The following PITPNM3 variants were observed in gnomAD, a reference collection of about 807,000 sequenced individuals.
PITPNM3 encodes the protein PITPNM family member 3, also known as membrane-associated phosphatidylinositol transfer protein 3.
Under a neutral mutation model 102.0 loss-of-function variants are expected in PITPNM3, and 26 were observed. That is an observed-to-expected ratio of 0.25 (90% confidence interval 0.19 to 0.35). PITPNM3 has a LOEUF of 0.35. Ranked by LOEUF, PITPNM3 falls within the 10% of genes least tolerant of loss-of-function variation. The pLI is 1.00. For synonymous variants in PITPNM3, 578 were observed against 558.6 expected, an observed-to-expected ratio of 1.03 and a Z score of -0.49; for missense variants, 1,083 against 1,346.1, an observed-to-expected ratio of 0.80 and a Z score of 3.06.
chr17:6,475,161 T>C (rs9905306), intron 9 of PITPNM3, among the ~76,000 whole-genome samples: 39,684 of 152,102 alleles, frequency 0.26, 6,179 homozygotes, highest in Middle Eastern at 0.41. Context: ...TAATTCCTGT[T>C]CCAGGCAACC....
chr17:6,481,985 CCTCTCTCTCTCTCTCT>C (rs773528111), intron 6 of PITPNM3, among the ~76,000 whole-genome samples: 6,856 of 56,178 alleles, frequency 0.12, 460 homozygotes, highest in African/African-American at 0.26. Context: ...GAAAACAGAA[CCTCTCTCTCTCTCTCT>C]CTCTCTCTCT....
chr17:6,522,215 AG>A (rs1908568023), intron 3 of PITPNM3, among the ~76,000 whole-genome samples: 1 of 152,112 alleles, frequency 6.6e-6, no homozygotes, highest in South Asian at 2.1e-4. Context: ...AAGAAAAGAG[AG>A]GTATGTGTGA....
In PITPNM3 at chr17:6,483,758, A is replaced by G. The variant is rs768041003; in HGVS notation, c.352-6T>C. The G allele has an allele frequency of 4.3e-6, 7 of 1,610,448 alleles. No individual in the cohort carries two copies. In the South Asian group the frequency reaches 6.6e-5, roughly 15 times the overall value. ...GAGCGCTGCGGGCAGCCTTCCTGAG[A>G]GCCAAGGCGGTTGGAATACAGAGAG... On this transcript the variant is annotated splice_region_variant and splice_polypyrimidine_tract_variant and intron_variant, in intron 5 of 19. Transcript: ENST00000262483.
At chr17:6,553,930 T>G (rs886565051) in intron 1 of PITPNM3, among the ~76,000 whole-genome samples, 1 of 152,100 alleles carries the variant, frequency 6.6e-6, no homozygotes, top group African/African-American at 2.4e-5. Flanking sequence ...AGCTCACCAA[T>G]CTATTCTTCA....
intron 4 of PITPNM3, among the ~76,000 whole-genome samples, chr17:6,486,470 A>T (rs895972793): frequency 6.6e-6 from 1 of 152,114 alleles, no homozygotes; most frequent in African/African-American, 2.4e-5. Flanking sequence ...AAGAACTGCA[A>T]ATGAGAAGCT....
intron 1 of PITPNM3, among the ~76,000 whole-genome samples, chr17:6,543,708 G>C (rs1909854844): frequency 6.6e-6 from 1 of 152,228 alleles, no homozygotes; most frequent in African/African-American, 2.4e-5. Context: ...AGGAGGAACA[G>C]AGGAGCAGAC....
At chr17:6,549,477 C>A (rs899673468) in intron 1 of PITPNM3, among the ~76,000 whole-genome samples, 1 of 152,174 alleles carries the variant, frequency 6.6e-6, no homozygotes, top group Non-Finnish European at 1.5e-5. Flanking sequence ...GACCCAGCTC[C>A]CACCCCAGAG....
intron 10 of PITPNM3, chr17:6,473,318 C>T (rs544494407): frequency 3.9e-5 from 9 of 232,862 alleles, no homozygotes; most frequent in Non-Finnish European, 6.9e-5. Context: ...ACACTTCTCT[C>T]GCTGACCAGC....
intron 4 of PITPNM3, among the ~76,000 whole-genome samples, chr17:6,495,395 A>G (rs1048857473): frequency 3.9e-5 from 6 of 152,060 alleles, no homozygotes; most frequent in Admixed American, 6.6e-5. Flanking sequence ...TGTTCCCAAG[A>G]GGAAAGGATT....
chr17:6,483,736 C>A lies in PITPNM3; in HGVS notation c.368G>T (p.Arg123Leu), dbSNP rs762779113. The change falls in exon 6 of 20, where the codon CGC becomes CTC. Residue 123 changes from arginine (R) to leucine (L), a missense_variant. By Grantham distance (102) the Arg-to-Leu change is moderately radical. Around this residue, in one of 5 missense-constraint regions of PITPNM3, gnomAD observed 290 missense variants for 337.8 expected, o/e 0.86. Coordinates refer to ENST00000262483, the MANE Select transcript of PITPNM3 (RefSeq NM_031220.4). ...HEDSEEGCPQRSCKTHVLLLV... is the reference protein window; with the variant it reads ...HEDSEEGCPQLSCKTHVLLLV... The stretch of plus-strand genomic sequence containing the variant: ...CAGGAGGACATGTGTCTTGCAGGAG[C>A]GCTGCGGGCAGCCTTCCTGAGAGCC... 14 of 1,612,930 alleles carry A rather than the reference C, an allele frequency of 8.7e-6. No homozygotes were observed. In the African/African-American group the frequency reaches 1.6e-4, roughly 18 times the overall value.
In PITPNM3 at chr17:6,472,176, G is replaced by A. The variant is rs1026832141; in HGVS notation, c.1429+481C>T. On this transcript the variant is annotated intron_variant, in intron 11 of 19. Coordinates refer to ENST00000262483, the MANE Select transcript of PITPNM3 (RefSeq NM_031220.4). The surrounding 1 kb of genome is among the most constrained non-coding windows in gnomAD (Gnocchi z 4.1). ...GCTCTTCGCCAAAACACCTGCCCTC[G>A]CTCCTGCTGTTCTCCCTGCCTGGAA... is the stretch of plus-strand genomic sequence containing the variant. Among the ~76,000 whole-genome samples the A allele has an allele frequency of 2.6e-5, 4 of 152,036 alleles. No homozygotes were observed. The highest frequency in any genetic ancestry group is 4.4e-5 in the Non-Finnish European group (3 of 68,010).
At chr17:6,535,065 C>T (rs9898007) in intron 2 of PITPNM3, among the ~76,000 whole-genome samples, 105,473 of 151,902 alleles carry the variant, frequency 0.69, 37,377 homozygotes, top group African/African-American at 0.84. Context: ...CCAGGGAGCT[C>T]TGGAGGCTCT....
At chr17:6,497,278 G>A (rs554167783) in intron 4 of PITPNM3, among the ~76,000 whole-genome samples, 1 of 152,124 alleles carries the variant, frequency 6.6e-6, no homozygotes, top group African/African-American at 2.4e-5. Context: ...GAAGCCCTTC[G>A]GTGGCTGGTC....
chr17:6,534,571 C>T (rs1909310794), intron 2 of PITPNM3, among the ~76,000 whole-genome samples: 1 of 152,214 alleles, frequency 6.6e-6, no homozygotes, highest in South Asian at 2.1e-4. Flanking sequence ...CGGGTTCCAG[C>T]CCCTGCACTT....
At chr17:6,554,892 T>C (rs8065648) in intron 1 of PITPNM3, among the ~76,000 whole-genome samples, 570 of 152,286 alleles carry the variant, frequency 3.7e-3, no homozygotes, top group African/African-American at 0.013. Flanking sequence ...GCCTAATACA[T>C]AGAACAAGCA....
chr17:6,495,929 C>T (rs897800202), intron 4 of PITPNM3, among the ~76,000 whole-genome samples: 18 of 152,194 alleles, frequency 1.2e-4, no homozygotes, highest in African/African-American at 4.3e-4. Context: ...CCCATCTCTG[C>T]CCGACTCAGC....
chr17:6,462,512 A>G (rs73975547), intron 17 of PITPNM3, among the ~76,000 whole-genome samples: 6,335 of 152,110 alleles, frequency 0.042, 446 homozygotes, highest in African/African-American at 0.14. Context: ...CCCATCTTCC[A>G]TCTTTCAAGA....
chr17:6,546,149 T>C (rs2150676002), intron 1 of PITPNM3, among the ~76,000 whole-genome samples: 1 of 152,246 alleles, frequency 6.6e-6, no homozygotes, highest in East Asian at 1.9e-4. Context: ...AAAGGCATTA[T>C]TGAAGGAAAC....
intron 4 of PITPNM3, among the ~76,000 whole-genome samples, chr17:6,489,820 A>G (rs985547544): frequency 1.3e-5 from 2 of 152,156 alleles, no homozygotes; most frequent in African/African-American, 2.4e-5. Flanking sequence ...CCTGGCCAAC[A>G]TGGTGAAACC....
Sources: gnomAD v4.1 joint callset for allele counts (sites outside exome capture counted in the v4.1 genomes callset) on GRCh38, gnomAD v4.1.1 for gene constraint, gnomAD v4.1.1 regional missense constraint, Gnocchi (gnomAD v3.1) non-coding constraint, MANE v1.5 for transcripts, NCBI Gene and HGNC (gene_info 2026-07-23, HGNC 2026-07-21) for gene names.